Variants in URI1 observed in about 807,000 individuals in gnomAD.
The protein encoded by URI1 is URI1 prefoldin like chaperone, also known as unconventional prefoldin RPB5 interactor 1.
URI1 carries 39 observed loss-of-function variants against 60.2 expected under a neutral mutation model. That is an observed-to-expected ratio of 0.65 (90% confidence interval 0.50 to 0.85). URI1 has a LOEUF of 0.85. Among genes scored for constraint, URI1 ranks in the 40% least tolerant of loss-of-function variants. The pLI is 0.00. For synonymous variants in URI1, 251 were observed against 236.8 expected (o/e 1.06, Z -0.55); for missense variants, 691 against 665.9 (o/e 1.04, Z -0.42).
At chr19:29,937,531 G>C (rs1004754435), upstream of URI1, 4 of 152,196 alleles carry the variant, frequency 2.6e-5, no homozygotes, top group Admixed American at 1.3e-4. Flanking sequence ...ATTTTTGCTT[G>C]TTGAGGGTTG....
intron 2 of URI1, chr19:29,980,027 A>G (rs2055573325): frequency 6.6e-6 from 1 of 152,112 alleles, no homozygotes. Context: ...AACTTTTATC[A>G]ATTTGTTTAG....
In URI1 at chr19:29,993,729, A is replaced by G. The variant is rs183928712; in HGVS notation, c.367+7312A>G. 2.8e-3 allele frequency among the ~76,000 whole-genome samples: 429 copies of G among 152,282 alleles called. 1 individual carries two copies. The highest frequency in any genetic ancestry group is 4.4e-3 in the Non-Finnish European group (300 of 68,028). ...ATACAAAATCTAAAGGATATTTATT[A>G]AAAAACAACTATGCTTCCTTTTCTT... On this transcript the variant is annotated intron_variant, in intron 4 of 10. Transcript: ENST00000392271.
At chr19:29,989,463 G>A (rs573840130) in intron 4 of URI1, among the ~76,000 whole-genome samples, 25 of 151,504 alleles carry the variant, frequency 1.7e-4, no homozygotes, top group Non-Finnish European at 3.1e-4. Flanking sequence ...TCACTCTGTC[G>A]CCCAGGCTGG....
chr19:30,001,535 T>C (rs2055878468), intron 4 of URI1, among the ~76,000 whole-genome samples: 1 of 151,940 alleles, frequency 6.6e-6, no homozygotes, highest in African/African-American at 2.4e-5. Context: ...GTGAATCTTT[T>C]GTTTAAGCAA....
chr19:29,968,284 A>G (rs1168839960), intron 1 of URI1, among the ~76,000 whole-genome samples: 1 of 152,108 alleles, frequency 6.6e-6, no homozygotes, highest in Non-Finnish European at 1.5e-5. Context: ...TTTAAAAAAT[A>G]AACAAAAACT....
At chr19:29,935,265 G>T (rs1042935444) in intron 1 of URI1, among the ~76,000 whole-genome samples, 2 of 151,884 alleles carry the variant, frequency 1.3e-5, no homozygotes, top group African/African-American at 4.8e-5. Flanking sequence ...TACTAACTTA[G>T]TTTTAAGAGT....
chr19:29,961,049 C>T (rs1183860496), intron 1 of URI1, among the ~76,000 whole-genome samples: 1 of 151,564 alleles, frequency 6.6e-6, no homozygotes, highest in Non-Finnish European at 1.5e-5. Flanking sequence ...TTTGTATAGA[C>T]AGGGACTCAC....
At chr19:29,976,778 T>C (rs1189595012) in intron 2 of URI1, among the ~76,000 whole-genome samples, 1 of 152,212 alleles carries the variant, frequency 6.6e-6, no homozygotes, top group Non-Finnish European at 1.5e-5. Flanking sequence ...GTAAAAAATT[T>C]ATTGCCTTGC....
chr19:30,009,583 A>G (rs2055992764), intron 8 of URI1, among the ~76,000 whole-genome samples: 1 of 152,102 alleles, frequency 6.6e-6, no homozygotes, highest in South Asian at 2.1e-4. Flanking sequence ...TGGGGTCTGG[A>G]AGGGGATCAG....
intron 1 of URI1, chr19:29,925,787 G>A (rs1247493286): frequency 6.6e-6 from 1 of 152,234 alleles, no homozygotes; most frequent in South Asian, 2.1e-4. Context: ...GGGGTTGGAG[G>A]GGATGGTCCA....
At position 30,005,707 on chromosome 19, in the gene URI1, AG is replaced by A. The variant is rs765278664; in HGVS notation, c.517+1del. On this transcript the variant is annotated frameshift_variant and splice_region_variant, in exon 6 of 11. Transcript: ENST00000392271. LOFTEE classifies it high-confidence loss of function. ...EEIKCDFEFK[A>X]KHRIAHKPHS... ...AAATTAAATGTGACTTCGAATTTAA[AG>A]GTAAGCAGTAAGATTGTTTTATGTG... 6.2e-7 allele frequency: 1 copy of A among 1,611,090 alleles called. No individual in the cohort carries two copies. The highest frequency in any genetic ancestry group is 1.1e-5 in the South Asian group (1 of 90,642).
chr19:29,999,178 TTTTC>T (rs1300803010), intron 4 of URI1, among the ~76,000 whole-genome samples: 1 of 152,134 alleles, frequency 6.6e-6, no homozygotes, highest in African/African-American at 2.4e-5. Flanking sequence ...GTGTATTCAT[TTTTC>T]TTTATCACAT....
chr19:29,949,152 TGGGGCGGCTGTGGGGCAGAG>T (rs1173676361), intron 1 of URI1, among the ~76,000 whole-genome samples: 2 of 124,310 alleles, frequency 1.6e-5, no homozygotes, highest in Non-Finnish European at 3.4e-5. Context: ...ACCTCCCAGA[TGGGGCGGCTGTGGGGCAGAG>T]GGGGCTCCTG....
chr19:29,964,464 GTTTT>G (rs373357906), intron 1 of URI1, among the ~76,000 whole-genome samples: 1 of 124,654 alleles, frequency 8.0e-6, no homozygotes, highest in Non-Finnish European at 1.7e-5. Context: ...TTTTTGTTTT[GTTTT>G]TTTTTTTTTT....
chr19:30,008,337 C>T (rs554397509), intron 7 of URI1, among the ~76,000 whole-genome samples: 18 of 152,180 alleles, frequency 1.2e-4, no homozygotes, highest in African/African-American at 4.3e-4. Flanking sequence ...TAGTGTTTCA[C>T]CTATAAATTC....
At chr19:29,937,945 CCAA>C (rs972489077), upstream of URI1, 15 of 152,188 alleles carry the variant, frequency 9.9e-5, no homozygotes, top group African/African-American at 3.4e-4. Flanking sequence ...TGTTCTCTTA[CCAA>C]CAACCAGCAG....
intron 1 of URI1, among the ~76,000 whole-genome samples, chr19:29,943,581 A>G (rs1741211424): frequency 6.6e-6 from 1 of 152,160 alleles, no homozygotes; most frequent in Admixed American, 6.5e-5. Context: ...AAAGTTCTTA[A>G]CTTTTTAATT....
chr19:29,982,437 CA>C (rs1251053338), intron 2 of URI1, among the ~76,000 whole-genome samples: 1 of 151,900 alleles, frequency 6.6e-6, no homozygotes, highest in Non-Finnish European at 1.5e-5. Context: ...GCATTGTTAC[CA>C]AAATAAGACT....
rs2056010883 is a variant in URI1, at chr19:30,011,037, GTT to G, written c.1036-55_1036-54del. 7.7e-6 allele frequency: 12 copies of G among 1,560,730 alleles called. No individual in the cohort carries two copies. In the South Asian group the frequency reaches 9.6e-5, roughly 13 times the overall value. ...TTAGTTATAGAGTTTATTTGTTTTG[GTT>G]TCACTTTGATTTAATTTGTCAAAAG... On this transcript the variant is annotated intron_variant, in intron 8 of 10. Coordinates refer to ENST00000392271, the MANE Select transcript of URI1 (RefSeq NM_003796.3).
Sources: allele counts gnomAD v4.1 joint callset (sites outside exome capture counted in the v4.1 genomes callset), GRCh38; gene constraint gnomAD v4.1.1; transcripts MANE v1.5; gene names NCBI Gene and HGNC (gene_info 2026-07-23, HGNC 2026-07-21).